TEC: variants seen among roughly 807,000 people sequenced by gnomAD.
TEC encodes the protein tec protein tyrosine kinase, also known as tyrosine-protein kinase Tec.
TEC carries 72 observed loss-of-function variants against 93.0 expected under a neutral mutation model. That is an observed-to-expected ratio of 0.77 (90% CI 0.64 to 0.94). The LOEUF (loss-of-function observed/expected upper bound fraction) is 0.94. Ranked by LOEUF, TEC falls within the 40% of genes least tolerant of loss-of-function variation. The pLI is 0.00. For synonymous variants in TEC, 249 were observed against 247.7 expected (o/e 1.01, Z -0.05); for missense variants, 630 against 757.9 (o/e 0.83, Z 1.98).
intron 1 of TEC, among the ~76,000 whole-genome samples, chr4:48,237,174 T>G (rs879508015): frequency 7.2e-5 from 11 of 151,866 alleles, no homozygotes; most frequent in Middle Eastern, 3.4e-3. Context: ...CTACTGAAAA[T>G]ACAGTCGTGT....
chr4:48,189,819 C>T (rs13146503), intron 2 of TEC, among the ~76,000 whole-genome samples: 82,719 of 152,062 alleles, frequency 0.54, 22,847 homozygotes, highest in Admixed American at 0.64. Context: ...CTATGGTTTA[C>T]GCATATCAAC....
intron 1 of TEC, among the ~76,000 whole-genome samples, chr4:48,230,101 AT>A (rs1723603721): frequency 7.7e-6 from 1 of 129,922 alleles, no homozygotes; most frequent in South Asian, 2.9e-4. Flanking sequence ...AATAATAATA[AT>A]AAATAAATAA....
chr4:48,246,571 T>C (rs1221361681), intron 1 of TEC, among the ~76,000 whole-genome samples: 3 of 151,798 alleles, frequency 2.0e-5, no homozygotes, highest in Non-Finnish European at 4.4e-5. Flanking sequence ...AGGATAGATA[T>C]ATAGATCAAC....
chr4:48,263,769 C>T (rs1445618187), intron 1 of TEC, among the ~76,000 whole-genome samples: 2 of 152,120 alleles, frequency 1.3e-5, no homozygotes, highest in Non-Finnish European at 2.9e-5. Context: ...ATCTACGTAC[C>T]ACCCAACCTA....
At chr4:48,146,672 T>C (rs1163530727) in intron 11 of TEC, among the ~76,000 whole-genome samples, 2 of 152,200 alleles carry the variant, frequency 1.3e-5, no homozygotes, top group Non-Finnish European at 2.9e-5. Context: ...CGTGTTCTTT[T>C]CCAATATGAG....
At position 48,147,234 on chromosome 4, in the gene TEC, G is replaced by A. The variant is rs115430506; in HGVS notation, c.1007-835C>T. Among the ~76,000 whole-genome samples the A allele has an allele frequency of 1.8e-3, 269 of 152,290 alleles. 1 individual carries two copies. Among genetic ancestry groups the A allele is most frequent in the African/African-American group, 6.3e-3 (263 of 41,566 alleles). Reference sequence around the variant, plus strand: ...ATCAGTTCCTGAAATGTTAAACACAGAGTTACCATATGACGCAGCATACCC... The same window carrying A: ...ATCAGTTCCTGAAATGTTAAACACAAAGTTACCATATGACGCAGCATACCC... On this transcript the variant is annotated intron_variant, in intron 11 of 17. Transcript: ENST00000381501.
At chr4:48,142,465 T>C (rs1239950251) in intron 14 of TEC, among the ~76,000 whole-genome samples, 1 of 152,090 alleles carries the variant, frequency 6.6e-6, no homozygotes, top group Non-Finnish European at 1.5e-5. Flanking sequence ...AGAGCAAGAC[T>C]CCGTCTCAAA....
chr4:48,163,982 G>A (rs1720778624), intron 7 of TEC, among the ~76,000 whole-genome samples: 1 of 152,132 alleles, frequency 6.6e-6, no homozygotes, highest in South Asian at 2.1e-4. Context: ...CGGTAGGCAG[G>A]CATTATTGTA....
At chr4:48,231,182 C>T (rs981539736) in intron 1 of TEC, among the ~76,000 whole-genome samples, 2 of 152,122 alleles carry the variant, frequency 1.3e-5, no homozygotes, top group Non-Finnish European at 2.9e-5. Context: ...TAAAGGAAGA[C>T]ACTGAACTCT....
intron 2 of TEC, among the ~76,000 whole-genome samples, chr4:48,188,236 A>C (rs1721965262): frequency 6.6e-6 from 1 of 152,226 alleles, no homozygotes; most frequent in East Asian, 1.9e-4. Flanking sequence ...GCAGTTATAT[A>C]TAATGTAAGG....
chr4:48,180,471 C>T (rs1157715894), intron 2 of TEC, among the ~76,000 whole-genome samples: 1 of 152,110 alleles, frequency 6.6e-6, no homozygotes. Flanking sequence ...AATGATCAAG[C>T]AATGTTCTCT....
intron 4 of TEC, among the ~76,000 whole-genome samples, chr4:48,170,844 A>G (rs886282931): frequency 3.5e-4 from 53 of 152,310 alleles, no homozygotes; most frequent in African/African-American, 1.2e-3. Context: ...TGAGGTCGGG[A>G]GTTCAAGGCC....
At chr4:48,149,828 G>C in intron 10 of TEC, 138 bp from the exon 11 acceptor site, 1 of 738,600 alleles carries the variant, frequency 1.4e-6, no homozygotes, top group Non-Finnish European at 2.0e-6. Context: ...CTTTCCCCTT[G>C]TTCTTCTTAG....
At chr4:48,164,489 A>T (rs1274635189) in intron 7 of TEC, among the ~76,000 whole-genome samples, 1 of 152,220 alleles carries the variant, frequency 6.6e-6, no homozygotes, top group African/African-American at 2.4e-5. Flanking sequence ...TATAAAATTT[A>T]AAAATTGAGT....
intron 2 of TEC, among the ~76,000 whole-genome samples, chr4:48,199,735 G>A (rs1303365499): frequency 6.6e-6 from 1 of 152,026 alleles, no homozygotes. Flanking sequence ...CCAAAGTGCT[G>A]GGATTACAGG....
rs1294757553 is a variant in TEC at position 48,149,692 on chromosome 4, T to C, written c.873-2A>G. On this transcript the variant is annotated splice_acceptor_variant, in intron 10 of 17. Coordinates refer to ENST00000381501, the MANE Select transcript of TEC (RefSeq NM_003215.3). LOFTEE classifies it high-confidence loss of function. Reference sequence around the variant, plus strand: ...TGCCTAAAACCCGATGAACCTTCTCTAGAACAAAAATCAAAATGTGTCAGA... The same window carrying C: ...TGCCTAAAACCCGATGAACCTTCTCCAGAACAAAAATCAAAATGTGTCAGA... The C allele has an allele frequency of 6.3e-7, 1 of 1,595,644 alleles. No individual in the cohort carries two copies. The highest frequency in any genetic ancestry group is 1.1e-5 in the South Asian group (1 of 87,104).
At chr4:48,169,514 CATCTG>C (rs1721015015) in intron 5 of TEC, among the ~76,000 whole-genome samples, 1 of 152,070 alleles carries the variant, frequency 6.6e-6, no homozygotes, top group Non-Finnish European at 1.5e-5. Flanking sequence ...CTGAGAAGGT[CATCTG>C]ATCTGGCCTC....
Position 48,170,261 on chromosome 4 carries a change from A to G in TEC, c.441T>C (p.Asn147=). The G allele has an allele frequency of 6.3e-7, 1 of 1,593,462 alleles. No individual in the cohort carries two copies. ...EKLAPGCEKY[N]LFESSIRKAL... ...ATGAATACTTACTGCTCTCAAAAAG[A>G]TTGTATTTTTCACATCCGGGTGCTA... Residue 147 remains asparagine (N), a synonymous_variant, in exon 5 of 18, where the codon AAT becomes AAC. Transcript: ENST00000381501.
chr4:48,174,685 G>T, intron 3 of TEC, among the ~76,000 whole-genome samples: 1 of 151,562 alleles, frequency 6.6e-6, no homozygotes, highest in East Asian at 1.9e-4. Flanking sequence ...AAGAAGTGTG[G>T]TAGGAATGGT....
Sources: allele counts gnomAD v4.1 joint callset (sites outside exome capture counted in the v4.1 genomes callset), GRCh38; gene constraint gnomAD v4.1.1; transcripts MANE v1.5; gene names NCBI Gene and HGNC (gene_info 2026-07-23, HGNC 2026-07-21).